NIM1K: variants seen among roughly 807,000 people sequenced by gnomAD.
The protein encoded by NIM1K is serine/threonine-protein kinase NIM1.
NIM1K carries 35 observed loss-of-function variants against 37.1 expected under a neutral mutation model. The observed-to-expected ratio is 0.94, with a 90% CI of 0.72 to 1.25. The LOEUF (loss-of-function observed/expected upper bound fraction) is 1.25, where lower values mean the gene tolerates loss of function less well. NIM1K is among the 50% of genes most tolerant of loss of function. The pLI, the probability that NIM1K is intolerant of heterozygous loss-of-function variation, is 0.00. For missense variants in NIM1K, 564 were observed against 548.0 expected (o/e 1.03, Z -0.29); for synonymous variants, 234 against 206.6 (o/e 1.13, Z -1.14).
At position 43,245,990 on chromosome 5, in the gene NIM1K, G is replaced by C; in HGVS notation, c.215G>C (p.Gly72Ala). 6.2e-7 allele frequency: 1 copy of C among 1,614,130 alleles called. No homozygotes were observed. Among genetic ancestry groups the C allele is most frequent in the South Asian group, 1.1e-5 (1 of 91,082 alleles). Reference protein sequence around the residue: ...VREITLGKRIGFYRIRGEIGS... With the variant: ...VREITLGKRIAFYRIRGEIGS... Reference sequence around the variant, plus strand: ...GAGATCACGCTGGGGAAACGGATAGGCTTCTACCGAATTCGAGGGGAAATC... The same window carrying C: ...GAGATCACGCTGGGGAAACGGATAGCCTTCTACCGAATTCGAGGGGAAATC... Residue 72 changes from glycine to alanine, a missense_variant, in exon 2 of 4, where the codon GGC becomes GCC. Coordinates refer to ENST00000326035, the MANE Select transcript of NIM1K (RefSeq NM_153361.4).
chr5:43,216,029 C>CA (rs1403907346), intron 1 of NIM1K, among the ~76,000 whole-genome samples: 12 of 151,386 alleles, frequency 7.9e-5, no homozygotes, highest in African/African-American at 2.5e-4. Flanking sequence ...TGTTTCCTAT[C>CA]ATGATGAATA....
intron 2 of NIM1K, among the ~76,000 whole-genome samples, chr5:43,261,623 A>G (rs1753032196): frequency 6.6e-6 from 1 of 151,634 alleles, no homozygotes; most frequent in South Asian, 2.1e-4. Context: ...ATTAGATCCC[A>G]TTTGTCAATT....
At chr5:43,210,796 C>T (rs767056766) in intron 1 of NIM1K, among the ~76,000 whole-genome samples, 2 of 152,108 alleles carry the variant, frequency 1.3e-5, no homozygotes, top group Non-Finnish European at 1.5e-5. Context: ...CATGTATGCA[C>T]GGAGGCTTCA....
In NIM1K at chr5:43,280,744, C is replaced by G; in HGVS notation, c.*15C>G. 1 of 1,551,894 alleles carries G rather than the reference C, an allele frequency of 6.4e-7. No individual in the cohort carries two copies. Among genetic ancestry groups the G allele is most frequent in the Non-Finnish European group, 8.7e-7 (1 of 1,151,466 alleles). ...CGATTTTATAAATTGCACTAGACTG[C>G]TTGTAACTAACCAAGATGATTGTTG... On this transcript the variant is annotated 3_prime_UTR_variant, in exon 4 of 4. Coordinates refer to ENST00000326035, the MANE Select transcript of NIM1K (RefSeq NM_153361.4).
chr5:43,245,774 C>A lies in NIM1K; in HGVS notation c.-2C>A. 3 of 1,575,894 alleles carry A rather than the reference C, an allele frequency of 1.9e-6. No homozygotes were observed. Among genetic ancestry groups the A allele is most frequent in the South Asian group, 1.2e-5 (1 of 85,996 alleles). ...AGATGGAGACGTGAGCCCCCGTGGACGATGACTGCAGTGTATATGAATGGA... is the reference window on the plus strand; with the variant it reads ...AGATGGAGACGTGAGCCCCCGTGGAAGATGACTGCAGTGTATATGAATGGA... On this transcript the variant is annotated 5_prime_UTR_variant, in exon 2 of 4. Coordinates refer to ENST00000326035, the MANE Select transcript of NIM1K (RefSeq NM_153361.4).
intron 2 of NIM1K, among the ~76,000 whole-genome samples, chr5:43,253,445 G>A (rs1752898908): frequency 6.6e-6 from 1 of 151,606 alleles, no homozygotes; most frequent in South Asian, 2.1e-4. Context: ...AGGAGAAGGA[G>A]GAAAGAGAAC....
intron 1 of NIM1K, among the ~76,000 whole-genome samples, chr5:43,233,490 A>T (rs1244625622): frequency 6.6e-6 from 1 of 152,306 alleles, no homozygotes; most frequent in Admixed American, 6.5e-5. Context: ...TGAACATTTT[A>T]TGGTTTTATG....
At chr5:43,265,339 A>G (rs1003375706) in intron 2 of NIM1K, among the ~76,000 whole-genome samples, 1 of 152,050 alleles carries the variant, frequency 6.6e-6, no homozygotes, top group Non-Finnish European at 1.5e-5. Flanking sequence ...TTTCTCTAAA[A>G]TTCTCTTCTC....
chr5:43,207,441 T>TA, intron 1 of NIM1K: 1 of 824,272 alleles, frequency 1.2e-6, no homozygotes. Context: ...TATCAGGTTC[T>TA]AATAGAAGAC....
At chr5:43,238,878 C>T (rs1010691517) in intron 1 of NIM1K, among the ~76,000 whole-genome samples, 2 of 148,300 alleles carry the variant, frequency 1.3e-5, no homozygotes, top group African/African-American at 5.0e-5. Flanking sequence ...TTACCTAATC[C>T]TCCGTCCTGT....
At chr5:43,204,942 G>A (rs1416914912) in intron 1 of NIM1K, among the ~76,000 whole-genome samples, 2 of 152,188 alleles carry the variant, frequency 1.3e-5, no homozygotes, top group Admixed American at 6.5e-5. Flanking sequence ...GCTGCAGTGA[G>A]CTGTGATTGC....
At chr5:43,237,172 A>T (rs1371263641) in intron 1 of NIM1K, among the ~76,000 whole-genome samples, 1 of 152,182 alleles carries the variant, frequency 6.6e-6, no homozygotes, top group African/African-American at 2.4e-5. Flanking sequence ...CCAACCAATG[A>T]AAAGGTTGCC....
chr5:43,267,683 G>C (rs58978410), intron 2 of NIM1K, among the ~76,000 whole-genome samples: 4,888 of 152,170 alleles, frequency 0.032, 292 homozygotes, highest in African/African-American at 0.11. Context: ...ATTTTTAAAT[G>C]TTCATCTTTA....
At chr5:43,265,127 G>A (rs1044459108) in intron 2 of NIM1K, among the ~76,000 whole-genome samples, 1 of 152,194 alleles carries the variant, frequency 6.6e-6, no homozygotes, top group Non-Finnish European at 1.5e-5. Context: ...GTATCTTTGT[G>A]ATGTTCTCTG....
At chr5:43,192,439 C>T (rs943816974) in intron 1 of NIM1K, 28 bp downstream of exon 1, 4 of 152,342 alleles carry the variant, frequency 2.6e-5, no homozygotes, top group African/African-American at 9.6e-5. Context: ...GGACTCGCCG[C>T]CAGCACCCCC....
intron 1 of NIM1K, among the ~76,000 whole-genome samples, chr5:43,241,313 G>A (rs1366529278): frequency 1.4e-5 from 2 of 144,604 alleles, no homozygotes; most frequent in African/African-American, 5.2e-5. Flanking sequence ...GGAGGATATT[G>A]GTATTTTTCT....
intron 1 of NIM1K, among the ~76,000 whole-genome samples, chr5:43,208,415 C>A (rs1561073287): frequency 6.6e-6 from 1 of 151,874 alleles, no homozygotes; most frequent in Non-Finnish European, 1.5e-5. Context: ...ACAGCCTGAC[C>A]AATATGGTGA....
rs965243662 is a variant in NIM1K at position 43,192,313 on chromosome 5, G to A, written c.-793G>A. On this transcript the variant is annotated 5_prime_UTR_variant, in exon 1 of 4. Transcript: ENST00000326035. ...CGCGACAGCGGCGCCCTCACCTCGG[G>A]ACATCCACACACCGACCGCTCCTGC... The A allele has an allele frequency of 5.2e-5, 8 of 152,592 alleles. No homozygotes were observed. The highest frequency in any genetic ancestry group is 1.3e-4 in the Admixed American group (2 of 15,294). 9.5% of individuals were successfully genotyped at this position (152,592 alleles called of 1,614,324 possible).
chr5:43,209,503 A>C lies in NIM1K; in HGVS notation c.-695+17092A>C, dbSNP rs112810239. 1.7e-3 allele frequency among the ~76,000 whole-genome samples: 256 copies of C among 150,880 alleles called. 6 individuals carry two copies. The highest frequency in any genetic ancestry group is 5.9e-3 in the African/African-American group (241 of 41,058). Reference sequence around the variant, plus strand: ...TGCCTTTTATTTTTCTTCATAGAACAGTTGTTTGTGGTGATTTTTTTTTTC... The same window carrying C: ...TGCCTTTTATTTTTCTTCATAGAACCGTTGTTTGTGGTGATTTTTTTTTTC... On this transcript the variant is annotated intron_variant, in intron 1 of 3. Transcript: ENST00000326035.
Sources: allele counts gnomAD v4.1 joint callset (sites outside exome capture counted in the v4.1 genomes callset), GRCh38; gene constraint gnomAD v4.1.1; transcripts MANE v1.5; gene names NCBI Gene and HGNC (gene_info 2026-07-23, HGNC 2026-07-21).